The following AOPEP variants were observed in gnomAD, a reference collection of about 807,000 sequenced individuals.
AOPEP encodes aminopeptidase O (putative), also known as aminopeptidase O.
AOPEP carries 77 observed loss-of-function variants against 98.1 expected under a neutral mutation model. The observed-to-expected ratio is 0.78, with a 90% CI of 0.65 to 0.95. The LOEUF (loss-of-function observed/expected upper bound fraction) is 0.95. Ranked by LOEUF, AOPEP falls within the 40% of genes least tolerant of loss-of-function variation. The pLI, the probability that AOPEP is intolerant of heterozygous loss-of-function variation, is 0.00. For synonymous variants in AOPEP, 346 were observed against 365.3 expected (o/e 0.95, Z 0.60); for missense variants, 1,024 against 1,024.7 (o/e 1.00, Z 0.01).
At chr9:95,096,615 C>G in the AOPEP span, among the ~76,000 whole-genome samples, 1 of 152,136 alleles carries the variant, frequency 6.6e-6, no homozygotes, top group African/African-American at 2.4e-5. Flanking sequence ...GGTCCAGCCT[C>G]TAGGTGGAGT....
In AOPEP at chr9:94,932,827, G is replaced by A. The variant is rs893950909; in HGVS notation, c.1661+4296G>A. 2.0e-5 allele frequency: 20 copies of A among 985,330 alleles called. No homozygotes were observed. The East Asian group carries it at 3.4e-4, about 17-fold the overall frequency. 61.0% of individuals were successfully genotyped at this position (985,330 alleles called of 1,614,324 possible). A position where few individuals can be genotyped will look rare whatever the true frequency, so the allele number is the denominator to read the frequency against. Reference sequence around the variant, plus strand: ...ACTTTGCTGTGTTTCCTTTGTATCCGATGTGTCTGAGATTGACTTCCTTGT... The same window carrying A: ...ACTTTGCTGTGTTTCCTTTGTATCCAATGTGTCTGAGATTGACTTCCTTGT... On this transcript the variant is annotated intron_variant, in intron 7 of 16. Coordinates refer to ENST00000375315, the MANE Select transcript of AOPEP (RefSeq NM_001193329.3).
At chr9:94,788,076 T>G (rs994665560) in intron 3 of AOPEP, among the ~76,000 whole-genome samples, 3 of 152,064 alleles carry the variant, frequency 2.0e-5, no homozygotes, top group Non-Finnish European at 4.4e-5. Context: ...TCATTTATAT[T>G]ATTATTATTT....
the AOPEP span, among the ~76,000 whole-genome samples, chr9:95,104,940 G>GCATT: frequency 1.3e-5 from 2 of 152,206 alleles, no homozygotes; most frequent in Admixed American, 6.5e-5. Flanking sequence ...GTGAGAGCAT[G>GCATT]CATTTGTCTC....
downstream of AOPEP, among the ~76,000 whole-genome samples, chr9:95,087,647 T>A (rs2070801658): frequency 6.6e-6 from 1 of 152,166 alleles, no homozygotes; most frequent in African/African-American, 2.4e-5. Flanking sequence ...TGGGGCACCC[T>A]CTTCCGATAA....
intron 13 of AOPEP, among the ~76,000 whole-genome samples, chr9:95,018,216 T>C (rs951410298): frequency 2.0e-5 from 3 of 152,230 alleles, no homozygotes; most frequent in African/African-American, 7.2e-5. Flanking sequence ...CTAGACTGTT[T>C]TCCAAAGTAC....
the AOPEP span, among the ~76,000 whole-genome samples, chr9:95,129,102 C>T: frequency 6.6e-6 from 1 of 151,982 alleles, no homozygotes; most frequent in African/African-American, 2.4e-5. Flanking sequence ...GGGGTTTCAC[C>T]GTGTTGGCCA....
chr9:94,964,682 C>T (rs1336693969), intron 9 of AOPEP, among the ~76,000 whole-genome samples: 2 of 149,410 alleles, frequency 1.3e-5, no homozygotes, highest in Non-Finnish European at 3.0e-5. Context: ...CACTGTCGCC[C>T]AGGCTGGAGT....
chr9:94,751,196 C>T (rs752073599), intron 1 of AOPEP, among the ~76,000 whole-genome samples: 1 of 152,120 alleles, frequency 6.6e-6, no homozygotes, highest in Admixed American at 6.6e-5. Context: ...CGTGTTGGCG[C>T]CTTACAGTTC....
intron 13 of AOPEP, among the ~76,000 whole-genome samples, chr9:95,042,312 A>G (rs1180909149): frequency 2.1e-5 from 1 of 47,434 alleles, no homozygotes; most frequent in African/African-American, 3.8e-5. Flanking sequence ...ACTCTGTCTC[A>G]AAAATAAATA....
intron 11 of AOPEP, among the ~76,000 whole-genome samples, chr9:94,999,453 C>T (rs911217182): frequency 8.5e-5 from 13 of 152,134 alleles, no homozygotes; most frequent in Admixed American, 5.9e-4. Context: ...TGCCTAAGTC[C>T]GACTATTCCT....
chr9:94,775,771 G>A (rs1020056651), intron 3 of AOPEP, among the ~76,000 whole-genome samples: 24 of 152,016 alleles, frequency 1.6e-4, no homozygotes, highest in Admixed American at 1.3e-4. Context: ...TCAGGAGATC[G>A]AGACCATTCT....
At chr9:95,007,197 G>T (rs866449222) in intron 13 of AOPEP, among the ~76,000 whole-genome samples, 4 of 152,116 alleles carry the variant, frequency 2.6e-5, no homozygotes, top group Non-Finnish European at 5.9e-5. Context: ...ACTGCACCCT[G>T]CCAGCTGTTA....
At chr9:94,754,450 C>T (rs1006207343) in intron 1 of AOPEP, among the ~76,000 whole-genome samples, 11 of 152,086 alleles carry the variant, frequency 7.2e-5, no homozygotes, top group Non-Finnish European at 1.0e-4. Flanking sequence ...TCTCCTTTCC[C>T]CCAGTTGCTT....
intron 14 of AOPEP, among the ~76,000 whole-genome samples, chr9:95,067,624 T>A (rs1455849138): frequency 6.6e-6 from 1 of 152,204 alleles, no homozygotes; most frequent in Non-Finnish European, 1.5e-5. Context: ...ATAGTACCCT[T>A]CGCTGAAACA....
At chr9:94,856,999 G>A (rs142011962) in intron 5 of AOPEP, among the ~76,000 whole-genome samples, 2 of 152,310 alleles carry the variant, frequency 1.3e-5, no homozygotes, top group Admixed American at 6.5e-5. Flanking sequence ...TCAGTTTTTC[G>A]TCTATAAAAT....
intron 5 of AOPEP, chr9:94,900,911 C>T (rs2050306549): frequency 6.6e-6 from 1 of 152,152 alleles, no homozygotes; most frequent in African/African-American, 2.4e-5. Context: ...TGAATGCTTT[C>T]CAAGGGCCCA....
chr9:94,765,088 A>G (rs1266116278), intron 2 of AOPEP, among the ~76,000 whole-genome samples: 2 of 151,866 alleles, frequency 1.3e-5, no homozygotes, highest in Non-Finnish European at 2.9e-5. Flanking sequence ...CAGCCTTCCA[A>G]GTAGCTGGGA....
intron 5 of AOPEP, among the ~76,000 whole-genome samples, chr9:94,877,427 CTTT>C (rs11299818): frequency 2.2e-4 from 28 of 124,788 alleles, no homozygotes; most frequent in African/African-American, 2.9e-4. Flanking sequence ...TTTTTCTTTT[CTTT>C]TTTTTTTTTT....
chr9:95,104,092 A>G, the AOPEP span, among the ~76,000 whole-genome samples: 1 of 152,166 alleles, frequency 6.6e-6, no homozygotes, highest in East Asian at 1.9e-4. Context: ...TCGTGGGCCA[A>G]GCAGACCCGG....
Sources: gnomAD v4.1 joint callset for allele counts (sites outside exome capture counted in the v4.1 genomes callset) on GRCh38, gnomAD v4.1.1 for gene constraint, MANE v1.5 for transcripts, NCBI Gene and HGNC (gene_info 2026-07-23, HGNC 2026-07-21) for gene names.